Variants in BRD1 observed in about 807,000 individuals in gnomAD.
The protein encoded by BRD1 is bromodomain containing 1.
In BRD1, 24 loss-of-function variants were observed where a neutral mutation model predicts 107.7. The ratio of observed to expected loss-of-function variants is 0.22; its 90% CI spans 0.16 to 0.31. The LOEUF is 0.31. Ranked by LOEUF, BRD1 falls within the 10% of genes least tolerant of loss-of-function variation. The pLI is 1.00. For missense variants in BRD1, 1,279 were observed against 1,638.6 expected (o/e 0.78, Z 3.79); for synonymous variants, 744 against 686.1 (o/e 1.08, Z -1.32).
chr22:49,811,509 C>A (rs1395698399), intron 2 of BRD1, among the ~76,000 whole-genome samples: 5 of 152,172 alleles, frequency 3.3e-5, no homozygotes, highest in Non-Finnish European at 5.9e-5. Context: ...TTGGTACCTG[C>A]TACTAAGCGG....
chr22:49,801,188 A>G (rs1226454219), intron 3 of BRD1, among the ~76,000 whole-genome samples: 2 of 152,250 alleles, frequency 1.3e-5, no homozygotes, highest in Non-Finnish European at 2.9e-5. Flanking sequence ...AGCAGGAGAC[A>G]GTGGGACGCC....
rs993406638 is a variant in BRD1, at chr22:49,778,045, T to C, written c.2858-232A>G. Among the ~76,000 whole-genome samples, 127 of 152,364 alleles carry C rather than the reference T, an allele frequency of 8.3e-4. 1 individual carries two copies. The highest frequency in any genetic ancestry group is 2.9e-3 in the African/African-American group (119 of 41,594). On this transcript the variant is annotated intron_variant, in intron 8 of 12. Transcript: ENST00000404760. ...AAACTGCAGTCGGCTCCGATCGTAG[T>C]AGTTTGCTGAGCACCATGAAGATGC... is the stretch of plus-strand genomic sequence containing the variant.
rs373020157 is a variant in BRD1 at position 49,826,903 on chromosome 22, T to A, written c.-15+594A>T. ...TTTCCCGTGAACTGCGCCTCAATCGTGTCACTCGTTTTAAAAGGCCCGGGG... is the reference window on the plus strand; with the variant it reads ...TTTCCCGTGAACTGCGCCTCAATCGAGTCACTCGTTTTAAAAGGCCCGGGG... On this transcript the variant is annotated intron_variant, in intron 1 of 12. Coordinates refer to ENST00000404760, the MANE Select transcript of BRD1 (RefSeq NM_001304808.3). Among the ~76,000 whole-genome samples the A allele has an allele frequency of 3.9e-5, 6 of 152,082 alleles. No homozygotes were observed. In the East Asian group the frequency reaches 5.8e-4, roughly 15 times the overall value.
Position 49,783,971 on chromosome 22 carries a change from A to G in BRD1, c.2857+3419T>C, listed in dbSNP as rs2059266621. Among the ~76,000 whole-genome samples, 1 of 152,246 alleles carries G rather than the reference A, an allele frequency of 6.6e-6. No individual in the cohort carries two copies. Among genetic ancestry groups the G allele is most frequent in the Non-Finnish European group, 1.5e-5 (1 of 68,034 alleles). On this transcript the variant is annotated intron_variant, in intron 8 of 12. Coordinates refer to ENST00000404760, the MANE Select transcript of BRD1 (RefSeq NM_001304808.3). The surrounding 1 kb of genome is among the most constrained non-coding windows in gnomAD (Gnocchi z 4.2). Reference sequence around the variant, plus strand: ...AACTACCCAGCACATTAGTGGTTAAAGTGAGAACCTGGAAAACAGTGAAAA... The same window carrying G: ...AACTACCCAGCACATTAGTGGTTAAGGTGAGAACCTGGAAAACAGTGAAAA...
Position 49,824,706 on chromosome 22 carries a change from G to C in BRD1, c.-14-375C>G. 1 of 1,080,854 alleles carries C rather than the reference G, an allele frequency of 9.3e-7. No homozygotes were observed. Among genetic ancestry groups the C allele is most frequent in the Non-Finnish European group, 1.1e-6 (1 of 887,638 alleles). The allele number at this position is 1,080,854 out of a possible 1,614,324, so 67.0% of individuals were successfully genotyped here. On this transcript the variant is annotated intron_variant, in intron 1 of 12. Transcript: ENST00000404760. This position sits in a 1 kb window ranked among gnomAD's most constrained non-coding sequence, Gnocchi z 5.9. ...TGCAGGACTTTCCCAGCATGCAGGC[G>C]GTCCCCCAGGAAGTCCACATACAGG...
At position 49,804,259 on chromosome 22, in the gene BRD1, G is replaced by T; in HGVS notation, c.1469C>A (p.Ala490Asp). 6.2e-7 allele frequency: 1 copy of T among 1,609,396 alleles called. No homozygotes were observed. Among genetic ancestry groups the T allele is most frequent in the Non-Finnish European group, 8.5e-7 (1 of 1,177,850 alleles). Residue 490 changes from alanine (A) to aspartate (D), a missense_variant, in exon 3 of 13, where the codon GCC becomes GAC. By Grantham distance (126) the Ala-to-Asp change is moderately radical. This residue lies in a region of BRD1 where 406 missense variants were observed against 519.4 expected (regional missense o/e 0.78). Coordinates refer to ENST00000404760, the MANE Select transcript of BRD1 (RefSeq NM_001304808.3). ...GGACTGCAGCCGCCGCAGCAGGGGGGCCCCGTTCCTGGACAGCCGCTTGAG... is the reference window on the plus strand; with the variant it reads ...GGACTGCAGCCGCCGCAGCAGGGGGTCCCCGTTCCTGGACAGCCGCTTGAG... ...WLLKRLSRNG[A>D]PLLRRLQSSL...
intron 8 of BRD1, among the ~76,000 whole-genome samples, chr22:49,778,164 G>C (rs144016821): frequency 2.2e-4 from 34 of 152,342 alleles, no homozygotes; most frequent in African/African-American, 7.9e-4. Context: ...CAACCTGTGA[G>C]TGCAAACACG....
intron 2 of BRD1, among the ~76,000 whole-genome samples, chr22:49,819,130 C>T: frequency 6.6e-6 from 1 of 151,108 alleles, no homozygotes; most frequent in East Asian, 2.0e-4. Flanking sequence ...CACCGTGGCA[C>T]ACACCTGTAG....
At position 49,787,659 on chromosome 22, in the gene BRD1, G is replaced by A. The variant is rs1021297717; in HGVS notation, c.2588C>T (p.Pro863Leu). 3.4e-5 allele frequency: 53 copies of A among 1,550,490 alleles called. No homozygotes were observed. Among genetic ancestry groups the A allele is most frequent in the Non-Finnish European group, 4.1e-5 (47 of 1,146,976 alleles). The part of the protein sequence containing the change: ...EPTRASSGDV[P>L]AAAASAVAEP... ...CGCCACCGCGGAGGCCGCCGCCGCC[G>A]GCACATCGCCACTACTGGCGCGGGT... The change falls in exon 8 of 13, where the codon CCG becomes CTG. Residue 863 changes from proline to leucine, a missense_variant. Transcript: ENST00000404760.
At chr22:49,796,346 G>A (rs1413585981) in intron 6 of BRD1, among the ~76,000 whole-genome samples, 4 of 149,368 alleles carry the variant, frequency 2.7e-5, no homozygotes, top group African/African-American at 7.5e-5. Context: ...CACCCGCCTC[G>A]GCCTCTCTCT....
intron 2 of BRD1, among the ~76,000 whole-genome samples, chr22:49,807,666 G>A (rs1431872266): frequency 6.6e-6 from 1 of 152,144 alleles, no homozygotes; most frequent in Non-Finnish European, 1.5e-5. Context: ...TCTTAAAACA[G>A]AAGGGAAAAG....
At chr22:49,788,700 T>C (rs2059375783) in intron 7 of BRD1, among the ~76,000 whole-genome samples, 1 of 152,110 alleles carries the variant, frequency 6.6e-6, no homozygotes, top group South Asian at 2.1e-4. Context: ...GGCACGAGGC[T>C]AACAGGGCGA....
chr22:49,789,583 C>CCCCA (rs1318009551), intron 7 of BRD1, among the ~76,000 whole-genome samples: 1 of 151,662 alleles, frequency 6.6e-6, no homozygotes, highest in African/African-American at 2.4e-5. Flanking sequence ...CAGTGGTCAA[C>CCCCA]CCCAGTCTTG....
chr22:49,796,877 G>A (rs2059543957), intron 6 of BRD1, among the ~76,000 whole-genome samples: 2 of 152,244 alleles, frequency 1.3e-5, no homozygotes, highest in Admixed American at 1.3e-4. Flanking sequence ...GTGGAAGAGA[G>A]GAAGAGGGCC....
At chr22:49,814,646 T>A (rs1197523736) in intron 2 of BRD1, among the ~76,000 whole-genome samples, 1 of 152,170 alleles carries the variant, frequency 6.6e-6, no homozygotes, top group Non-Finnish European at 1.5e-5. Flanking sequence ...TTTTGTAAAT[T>A]TGAAGTTATT....
At chr22:49,822,469 A>G (rs771148907) in intron 2 of BRD1, among the ~76,000 whole-genome samples, 115 of 151,672 alleles carry the variant, frequency 7.6e-4, no homozygotes, top group Non-Finnish European at 7.9e-4. Flanking sequence ...GCACTTTGGG[A>G]AGCCAAGGCG....
intron 5 of BRD1, 106 bp downstream of exon 5, chr22:49,798,452 G>A: frequency 1.3e-6 from 2 of 1,520,486 alleles, no homozygotes; most frequent in Non-Finnish European, 9.0e-7. Context: ...CGAGAATTAA[G>A]AACACAAGGG....
intron 3 of BRD1, among the ~76,000 whole-genome samples, chr22:49,800,628 C>G (rs1182018544): frequency 6.6e-6 from 1 of 152,200 alleles, no homozygotes; most frequent in Non-Finnish European, 1.5e-5. Context: ...GCTCCCCAAC[C>G]TGGTTTAACA....
chr22:49,822,861 A>T, intron 2 of BRD1, 90 bp downstream of exon 2: 1 of 1,463,908 alleles, frequency 6.8e-7, no homozygotes, highest in Non-Finnish European at 9.2e-7. Context: ...CGCAATGACC[A>T]CACAGCACGG....
Sources: gnomAD v4.1 joint callset for allele counts (sites outside exome capture counted in the v4.1 genomes callset) on GRCh38, gnomAD v4.1.1 for gene constraint, gnomAD v4.1.1 regional missense constraint, Gnocchi (gnomAD v3.1) non-coding constraint, MANE v1.5 for transcripts, NCBI Gene and HGNC (gene_info 2026-07-23, HGNC 2026-07-21) for gene names.